The following SNX29 variants were observed in gnomAD, a reference collection of about 807,000 sequenced individuals.
SNX29 encodes the protein sorting nexin 29, also known as sorting nexin-29.
Under a neutral mutation model 102.1 loss-of-function variants are expected in SNX29, and 78 were observed. That is an observed-to-expected ratio of 0.76 (90% CI 0.64 to 0.92). The LOEUF (loss-of-function observed/expected upper bound fraction) is 0.92, where lower values mean the gene tolerates loss of function less well. Ranked by LOEUF, SNX29 falls within the 40% of genes least tolerant of loss-of-function variation. SNX29 has a pLI of 0.00. For missense variants in SNX29, 1,280 were observed against 1,061.7 expected (o/e 1.21, Z -2.86); for synonymous variants, 580 against 414.5 (o/e 1.40, Z -4.85).
At chr16:12,563,695 T>G (rs972796189) in intron 20 of SNX29, among the ~76,000 whole-genome samples, 2 of 152,150 alleles carry the variant, frequency 1.3e-5, no homozygotes, top group African/African-American at 4.8e-5. Context: ...TCTGGCCTCA[T>G]GTAAGAGGAA....
At chr16:12,422,794 C>T (rs2151593570) in intron 18 of SNX29, among the ~76,000 whole-genome samples, 1 of 152,364 alleles carries the variant, frequency 6.6e-6, no homozygotes, top group South Asian at 2.1e-4. Flanking sequence ...CTTCCTTCAG[C>T]CCCCGACAGA....
chr16:12,294,552 T>A (rs1020184050), intron 15 of SNX29, among the ~76,000 whole-genome samples: 2 of 152,220 alleles, frequency 1.3e-5, no homozygotes, highest in Non-Finnish European at 2.9e-5. Context: ...TCTGTAGCAT[T>A]CTGGATGGCT....
intron 20 of SNX29, among the ~76,000 whole-genome samples, chr16:12,551,212 C>T (rs868209160): frequency 2.7e-5 from 4 of 149,432 alleles, no homozygotes; most frequent in Non-Finnish European, 2.9e-5. Flanking sequence ...GAACACACTG[C>T]ACTCAGATTT....
At chr16:12,452,287 G>C (rs372109632) in intron 18 of SNX29, among the ~76,000 whole-genome samples, 4 of 51,400 alleles carry the variant, frequency 7.8e-5, no homozygotes, top group African/African-American at 5.8e-4. Flanking sequence ...TGTCACAACT[G>C]GGGTGGCTGC....
chr16:12,126,259 A>G (rs147277984), intron 11 of SNX29, among the ~76,000 whole-genome samples: 9 of 152,376 alleles, frequency 5.9e-5, no homozygotes, highest in East Asian at 1.9e-4. Flanking sequence ...GCTAAATGCT[A>G]TTCTGTGCTG....
chr16:12,224,247 C>T (rs1025832346), intron 14 of SNX29, among the ~76,000 whole-genome samples: 3 of 152,164 alleles, frequency 2.0e-5, no homozygotes, highest in Non-Finnish European at 4.4e-5. Flanking sequence ...CCCTGCATTC[C>T]TCCCTCTCCT....
At chr16:12,564,019 G>C (rs1390321722) in intron 20 of SNX29, among the ~76,000 whole-genome samples, 1 of 151,954 alleles carries the variant, frequency 6.6e-6, no homozygotes, top group Admixed American at 6.6e-5. Flanking sequence ...CCAGGGTAGG[G>C]AGTTGAGGAG....
intron 18 of SNX29, among the ~76,000 whole-genome samples, chr16:12,451,417 C>T (rs376865104): frequency 5.3e-5 from 8 of 152,212 alleles, no homozygotes; most frequent in African/African-American, 9.7e-5. Context: ...GGAGCCTCCT[C>T]TTGTCCCCAA....
intron 18 of SNX29, among the ~76,000 whole-genome samples, chr16:12,447,027 T>C (rs1264369799): frequency 2.6e-5 from 4 of 151,126 alleles, no homozygotes; most frequent in Admixed American, 2.0e-4. Context: ...ATTAGCAGGG[T>C]GTGGTGGCAC....
Position 12,402,468 on chromosome 16 carries a change from G to A in SNX29, c.1956-980G>A, listed in dbSNP as rs142809101. Among the ~76,000 whole-genome samples, 14 of 152,342 alleles carry A rather than the reference G, an allele frequency of 9.2e-5. No homozygotes were observed. In the East Asian group the frequency reaches 2.3e-3, roughly 25 times the overall value. Reference sequence around the variant, plus strand: ...ACAGCTCTAATTAGAGGCGAAGGCCGGGACCTTACAGCCCTTCCAGAATGG... The same window carrying A: ...ACAGCTCTAATTAGAGGCGAAGGCCAGGACCTTACAGCCCTTCCAGAATGG... On this transcript the variant is annotated intron_variant, in intron 17 of 20. Coordinates refer to ENST00000566228, the MANE Select transcript of SNX29 (RefSeq NM_032167.5).
At chr16:12,435,486 C>T (rs1260672579) in intron 18 of SNX29, among the ~76,000 whole-genome samples, 2 of 152,152 alleles carry the variant, frequency 1.3e-5, no homozygotes, top group East Asian at 3.9e-4. Context: ...AGAACCTGCC[C>T]TGCTTGAGGG....
At chr16:12,507,119 A>G (rs1012154377) in intron 19 of SNX29, among the ~76,000 whole-genome samples, 4 of 152,222 alleles carry the variant, frequency 2.6e-5, no homozygotes, top group Admixed American at 2.6e-4. Context: ...AACTATTGTT[A>G]TCATCCCTCT....
intron 14 of SNX29, among the ~76,000 whole-genome samples, chr16:12,234,380 A>G (rs1439531231): frequency 6.6e-6 from 1 of 151,998 alleles, no homozygotes; most frequent in Non-Finnish European, 1.5e-5. Flanking sequence ...TGTCTTTTCA[A>G]ATCTTCTGTC....
chr16:12,054,151 A>G (rs2151229605), intron 8 of SNX29, among the ~76,000 whole-genome samples: 2 of 152,232 alleles, frequency 1.3e-5, no homozygotes, highest in East Asian at 3.9e-4. Flanking sequence ...TATTTTTAGT[A>G]GAGACAGGGT....
At chr16:12,563,396 A>G (rs947316083) in intron 20 of SNX29, among the ~76,000 whole-genome samples, 1 of 152,346 alleles carries the variant, frequency 6.6e-6, no homozygotes, top group African/African-American at 2.4e-5. Flanking sequence ...GTAACCATGA[A>G]AATAGATGGC....
chr16:12,059,030 A>G (rs1396763086), intron 8 of SNX29, among the ~76,000 whole-genome samples: 2 of 151,900 alleles, frequency 1.3e-5, no homozygotes, highest in Non-Finnish European at 2.9e-5. Flanking sequence ...CGGCCTCCCA[A>G]AGTACCGGAA....
chr16:12,154,607 A>G (rs1375752135), intron 13 of SNX29, among the ~76,000 whole-genome samples: 1 of 152,208 alleles, frequency 6.6e-6, no homozygotes, highest in Non-Finnish European at 1.5e-5. Context: ...ACAGCAGGTG[A>G]CCGGCAGGTG....
At chr16:12,472,470 G>C (rs1328140348) in intron 18 of SNX29, among the ~76,000 whole-genome samples, 1 of 136,920 alleles carries the variant, frequency 7.3e-6, no homozygotes, top group Non-Finnish European at 1.5e-5. Flanking sequence ...AGTGAGCTGA[G>C]ATCATGCCAC....
intron 16 of SNX29, among the ~76,000 whole-genome samples, chr16:12,366,237 G>A (rs892009834): frequency 2.0e-5 from 3 of 152,044 alleles, no homozygotes; most frequent in African/African-American, 4.8e-5. Context: ...GGGGTGCTCC[G>A]TGCTTCTCCA....
Sources: gnomAD v4.1 joint callset for allele counts (sites outside exome capture counted in the v4.1 genomes callset) on GRCh38, gnomAD v4.1.1 for gene constraint, MANE v1.5 for transcripts, NCBI Gene and HGNC (gene_info 2026-07-23, HGNC 2026-07-21) for gene names.